MCC: variants seen among roughly 807,000 people sequenced by gnomAD.
MCC encodes the protein MCC regulator of Wnt signaling pathway.
In MCC, 90 loss-of-function variants were observed where a neutral mutation model predicts 116.2. The observed-to-expected ratio is 0.77, with a 90% CI of 0.65 to 0.92. MCC has a LOEUF of 0.92. MCC is among the 40% of genes least tolerant of loss of function. The pLI, the probability that MCC is intolerant of heterozygous loss-of-function variation, is 0.00. For synonymous variants in MCC, 578 were observed against 510.5 expected (o/e 1.13, Z -1.78); for missense variants, 1,516 against 1,312.2 (o/e 1.16, Z -2.40).
intron 14 of MCC, among the ~76,000 whole-genome samples, chr5:113,054,997 T>C (rs1489739819): frequency 2.6e-5 from 4 of 152,216 alleles, no homozygotes; most frequent in African/African-American, 9.6e-5. Context: ...TCTCTGCACT[T>C]GCACTGGGCC....
chr5:113,486,232 G>A (rs1483640005), intron 1 of MCC, among the ~76,000 whole-genome samples: 1 of 152,132 alleles, frequency 6.6e-6, no homozygotes, highest in Admixed American at 6.5e-5. Context: ...TATGATTTAG[G>A]GTTCATTACT....
chr5:113,448,944 A>C (rs1399752789), intron 1 of MCC, among the ~76,000 whole-genome samples: 3 of 152,222 alleles, frequency 2.0e-5, no homozygotes, highest in African/African-American at 7.2e-5. Context: ...ATTAAATTTT[A>C]ATCCATTTTG....
chr5:113,215,908 T>TGACC (rs1763297038), intron 3 of MCC, among the ~76,000 whole-genome samples: 1 of 152,214 alleles, frequency 6.6e-6, no homozygotes, highest in Non-Finnish European at 1.5e-5. Flanking sequence ...GGGGCTGGAA[T>TGACC]GACCACACTC....
In MCC at chr5:113,488,121, C is replaced by A. The variant is rs1020884735; in HGVS notation, c.170+124G>T. 1.1e-5 allele frequency: 12 copies of A among 1,048,194 alleles called. No homozygotes were observed. In the African/African-American group the frequency reaches 1.7e-4, roughly 15 times the overall value. The allele number at this position is 1,048,194 out of a possible 1,614,324, so 64.9% of individuals were successfully genotyped here. A position where few individuals can be genotyped will look rare whatever the true frequency, so the allele number is the denominator to read the frequency against. ...GGCTACGCGCTCTCGGAGTCGCGGC[C>A]AACTTTTCCCGCGAGCTTCTGAGCA... On this transcript the variant is annotated intron_variant, in intron 1 of 18. Coordinates refer to ENST00000408903, the MANE Select transcript of MCC (RefSeq NM_001085377.2).
chr5:113,075,271 C>T (rs1008909893), intron 11 of MCC, among the ~76,000 whole-genome samples: 6 of 152,238 alleles, frequency 3.9e-5, no homozygotes, highest in African/African-American at 7.2e-5. Flanking sequence ...GCTGCCTCCC[C>T]GCGGAGCAGG....
At chr5:113,463,843 A>G (rs542217481) in intron 1 of MCC, among the ~76,000 whole-genome samples, 1 of 152,302 alleles carries the variant, frequency 6.6e-6, no homozygotes, top group South Asian at 2.1e-4. Flanking sequence ...GTCTGAGGTT[A>G]AAAGAGAAGT....
chr5:113,227,514 C>T (rs1763788455), intron 3 of MCC, among the ~76,000 whole-genome samples: 2 of 152,172 alleles, frequency 1.3e-5, no homozygotes, highest in South Asian at 4.2e-4. Flanking sequence ...TTGAATTCAG[C>T]TCCTATCCTA....
chr5:113,144,935 G>C (rs949685291), intron 4 of MCC, among the ~76,000 whole-genome samples: 1 of 152,114 alleles, frequency 6.6e-6, no homozygotes, highest in Non-Finnish European at 1.5e-5. Context: ...TTGAATGAGG[G>C]GCACATCTAG....
chr5:113,254,353 A>C (rs1764924222), intron 3 of MCC, among the ~76,000 whole-genome samples: 1 of 152,274 alleles, frequency 6.6e-6, no homozygotes, highest in African/African-American at 2.4e-5. Flanking sequence ...ATAGAGTCCA[A>C]GAAAAGTAGA....
rs576154436 is a variant in MCC at position 113,424,881 on chromosome 5, A to G, written c.171-39669T>C. On this transcript the variant is annotated intron_variant, in intron 1 of 18. Coordinates refer to ENST00000408903, the MANE Select transcript of MCC (RefSeq NM_001085377.2). ...AACAGCAATGCTAGGAGTGAAAAAA[A>G]AAGAACTAGAAAATATGAAAGAAAG... Among the ~76,000 whole-genome samples, 3 of 152,292 alleles carry G rather than the reference A, an allele frequency of 2.0e-5. No homozygotes were observed. The East Asian group carries it at 5.8e-4, about 29-fold the overall frequency.
At chr5:113,420,632 C>T (rs1223841637) in intron 1 of MCC, among the ~76,000 whole-genome samples, 2 of 152,168 alleles carry the variant, frequency 1.3e-5, no homozygotes, top group South Asian at 2.1e-4. Flanking sequence ...TTCCACTGCA[C>T]ACCAGTGTGC....
At chr5:113,054,626 CAG>C (rs1284207242) in intron 14 of MCC, among the ~76,000 whole-genome samples, 6 of 152,184 alleles carry the variant, frequency 3.9e-5, no homozygotes, top group Non-Finnish European at 7.3e-5. Flanking sequence ...ATGAAAAACA[CAG>C]GGGTGCACAA....
At chr5:113,099,999 T>C (rs910670231) in intron 8 of MCC, among the ~76,000 whole-genome samples, 1 of 152,186 alleles carries the variant, frequency 6.6e-6, no homozygotes, top group African/African-American at 2.4e-5. Context: ...TGGGCTTTAG[T>C]GCTAAGCAAA....
In MCC at chr5:113,023,029, G is replaced by C. The variant is rs1343316231; in HGVS notation, c.*4273C>G. 1 of 152,206 alleles carries C rather than the reference G, an allele frequency of 6.6e-6. No individual in the cohort carries two copies. The highest frequency in any genetic ancestry group is 1.5e-5 in the Non-Finnish European group (1 of 68,038). 9.4% of individuals were successfully genotyped at this position (152,206 alleles called of 1,614,324 possible). On this transcript the variant is annotated 3_prime_UTR_variant, in exon 19 of 19. Coordinates refer to ENST00000408903, the MANE Select transcript of MCC (RefSeq NM_001085377.2). ...GCAAAACAAGAATACATGAACAGCT[G>C]CTATCAACTTGTATACTTTTTTTCC...
chr5:113,434,585 C>T lies in MCC; in HGVS notation c.171-49373G>A, dbSNP rs777777802. 6 of 1,613,882 alleles carry T rather than the reference C, an allele frequency of 3.7e-6. No homozygotes were observed. Among genetic ancestry groups the T allele is most frequent in the Non-Finnish European group, 5.1e-6 (6 of 1,179,862 alleles). On this transcript the variant is annotated intron_variant, in intron 1 of 18. Transcript: ENST00000408903. The surrounding 1 kb of genome is among the most constrained non-coding windows in gnomAD (Gnocchi z 4.2). ...CCGCGAGCTCCATGACGATGTAGAC[C>T]TTGCCATGTGATGTCTCAAAGATCT...
chr5:113,171,433 C>T (rs900793491), intron 3 of MCC, among the ~76,000 whole-genome samples: 9 of 151,742 alleles, frequency 5.9e-5, no homozygotes, highest in East Asian at 5.9e-4. Context: ...CGGCTAACTG[C>T]GAACTCTGTC....
chr5:113,071,042 C>T (rs1405106836), intron 12 of MCC, 52 bp downstream of exon 12: 3 of 1,573,684 alleles, frequency 1.9e-6, no homozygotes, highest in Non-Finnish European at 2.6e-6. Context: ...GAAGGTTACT[C>T]TGGATGCACT....
chr5:113,145,221 T>C (rs185975680), intron 4 of MCC, among the ~76,000 whole-genome samples: 105 of 152,316 alleles, frequency 6.9e-4, no homozygotes, highest in Admixed American at 1.5e-3. Flanking sequence ...CGTGTGTTCA[T>C]GTTGTATGAA....
At chr5:113,145,765 CA>C (rs1561399873) in intron 4 of MCC, among the ~76,000 whole-genome samples, 206 of 54,004 alleles carry the variant, frequency 3.8e-3, no homozygotes, top group Middle Eastern at 0.019. Context: ...CACACACACA[CA>C]CACACACACA....
Sources: gnomAD v4.1 joint callset for allele counts (sites outside exome capture counted in the v4.1 genomes callset) on GRCh38, gnomAD v4.1.1 for gene constraint, Gnocchi (gnomAD v3.1) non-coding constraint, MANE v1.5 for transcripts, NCBI Gene and HGNC (gene_info 2026-07-23, HGNC 2026-07-21) for gene names.